The following MED12L variants were observed in gnomAD, a reference collection of about 807,000 sequenced individuals.
MED12L encodes mediator of RNA polymerase II transcription subunit 12-like protein.
MED12L carries 60 observed loss-of-function variants against 281.3 expected under a neutral mutation model. That is an observed-to-expected ratio of 0.21 (90% CI 0.17 to 0.26). The LOEUF is 0.26. Among genes scored for constraint, MED12L ranks in the 10% least tolerant of loss-of-function variants. The pLI is 1.00. For synonymous variants in MED12L, 974 were observed against 987.2 expected (o/e 0.99, Z 0.25); for missense variants, 2,146 against 2,680.9 (o/e 0.80, Z 4.41).
intron 16 of MED12L, chr3:151,316,466 A>T (rs1451442601): frequency 2.0e-5 from 3 of 152,206 alleles, no homozygotes. Flanking sequence ...TACTGTCAGC[A>T]TTCTAATTTC....
At chr3:151,220,471 G>A (rs1490490046) in intron 16 of MED12L, among the ~76,000 whole-genome samples, 3 of 152,136 alleles carry the variant, frequency 2.0e-5, no homozygotes, top group African/African-American at 7.2e-5. Context: ...CACGTGATAT[G>A]GTTTGGCTCT....
chr3:151,232,410 A>AT (rs1478899735), intron 16 of MED12L, among the ~76,000 whole-genome samples: 7 of 152,198 alleles, frequency 4.6e-5, no homozygotes, highest in Admixed American at 4.6e-4. Flanking sequence ...CAGAACTACC[A>AT]TTTGACCCAG....
At chr3:151,278,246 A>G (rs1184230093) in intron 16 of MED12L, 1 of 152,192 alleles carries the variant, frequency 6.6e-6, no homozygotes, top group East Asian at 1.9e-4. Context: ...TGCACCATTC[A>G]CATACATGCA....
intron 11 of MED12L, among the ~76,000 whole-genome samples, chr3:151,170,914 C>T (rs1329119021): frequency 6.6e-6 from 1 of 152,082 alleles, no homozygotes; most frequent in Admixed American, 6.6e-5. Context: ...AAGAGGGAAG[C>T]CTCTCAAATT....
chr3:151,319,422 C>T (rs1361520769), intron 16 of MED12L, among the ~76,000 whole-genome samples: 1 of 151,026 alleles, frequency 6.6e-6, no homozygotes, highest in Non-Finnish European at 1.5e-5. Context: ...TTACAAACCC[C>T]AAATTTATTT....
chr3:151,282,156 C>T (rs971922824), intron 16 of MED12L, among the ~76,000 whole-genome samples: 1 of 152,130 alleles, frequency 6.6e-6, no homozygotes, highest in South Asian at 2.1e-4. Context: ...CTAGCGCATC[C>T]GGCCTCATCC....
chr3:151,293,370 G>C (rs1276646787), intron 16 of MED12L, among the ~76,000 whole-genome samples: 1 of 151,988 alleles, frequency 6.6e-6, no homozygotes, highest in Non-Finnish European at 1.5e-5. Flanking sequence ...CTGTTAATGC[G>C]TCTCCCACGA....
intron 12 of MED12L, 145 bp downstream of exon 12, chr3:151,185,606 T>TC: frequency 2.5e-6 from 2 of 810,822 alleles, no homozygotes; most frequent in Non-Finnish European, 3.7e-6. Flanking sequence ...TAAGGAAGAT[T>TC]CTTATAGTAG....
In MED12L at chr3:151,088,606, C is replaced by G. The variant is rs115854917; in HGVS notation, c.99+1581C>G. ...TGTGTGGGCTTATTTAGCATTTGTT[C>G]TTCAGGCCAATGCTCATTTCACGAC... is the stretch of plus-strand genomic sequence containing the variant. On this transcript the variant is annotated intron_variant, in intron 2 of 44. Transcript: ENST00000687756. Among the ~76,000 whole-genome samples, 1,070 of 152,202 alleles carry G rather than the reference C, an allele frequency of 7.0e-3. 3 individuals are homozygous for G. The highest frequency in any genetic ancestry group is 0.02 in the African/African-American group (823 of 41,504).
Position 151,255,254 on chromosome 3 carries a change from T to A in MED12L, c.2250+61588T>A, listed in dbSNP as rs969179479. Among the ~76,000 whole-genome samples, 16 of 152,224 alleles carry A rather than the reference T, an allele frequency of 1.1e-4. 1 individual carries two copies. Among genetic ancestry groups the A allele is most frequent in the South Asian group, 8.3e-4 (4 of 4,820 alleles). On this transcript the variant is annotated intron_variant, in intron 16 of 44. Transcript: ENST00000687756. ...TGTGAGAGGGATACAGTGACTTCCA[T>A]TTGTTTGTAAAAATGCTGTTTTGGG...
intron 38 of MED12L, among the ~76,000 whole-genome samples, chr3:151,393,921 A>G (rs1370735025): frequency 7.2e-6 from 1 of 138,340 alleles, no homozygotes; most frequent in Non-Finnish European, 1.5e-5. Flanking sequence ...TACATGTATC[A>G]AGGACTATTT....
At chr3:151,424,661 A>T (rs934006270) in intron 43 of MED12L, among the ~76,000 whole-genome samples, 13 of 152,128 alleles carry the variant, frequency 8.5e-5, no homozygotes, top group African/African-American at 2.9e-4. Context: ...ACTCTATGCA[A>T]GTTACTAGTT....
chr3:151,165,005 AAAT>A (rs1430143632), intron 9 of MED12L, among the ~76,000 whole-genome samples: 2 of 142,988 alleles, frequency 1.4e-5, no homozygotes, highest in Non-Finnish European at 3.0e-5. Context: ...AGTATAATAA[AAAT>A]AAAATAAAAT....
chr3:151,211,865 T>TG (rs1296205550), intron 16 of MED12L, among the ~76,000 whole-genome samples: 1 of 152,208 alleles, frequency 6.6e-6, no homozygotes, highest in Non-Finnish European at 1.5e-5. Context: ...AGGCTGGTCT[T>TG]GAACTCCTGG....
chr3:151,256,183 G>A (rs1401099962), intron 16 of MED12L, among the ~76,000 whole-genome samples: 3 of 152,124 alleles, frequency 2.0e-5, no homozygotes, highest in Non-Finnish European at 4.4e-5. Context: ...GGCTCTTTTA[G>A]ATACATAGCA....
At chr3:151,234,839 G>T (rs1474650907) in intron 16 of MED12L, among the ~76,000 whole-genome samples, 1 of 152,198 alleles carries the variant, frequency 6.6e-6, no homozygotes, top group Non-Finnish European at 1.5e-5. Context: ...TTAGTCAGGG[G>T]TCACCATCAC....
intron 22 of MED12L, 67 bp downstream of exon 22, chr3:151,365,273 T>G: frequency 7.5e-7 from 1 of 1,327,694 alleles, no homozygotes; most frequent in Non-Finnish European, 1.1e-6. Flanking sequence ...TCTTTGAAAT[T>G]GATGTCGTTA....
At position 151,170,400 on chromosome 3, in the gene MED12L, G is replaced by A. The variant is rs1330110006; in HGVS notation, c.1494+4418G>A. Among the ~76,000 whole-genome samples, 34 of 150,566 alleles carry A rather than the reference G, an allele frequency of 2.3e-4. No homozygotes were observed. The Admixed American group carries it at 2.3e-3, about 10-fold the overall frequency. On this transcript the variant is annotated intron_variant, in intron 11 of 44. Coordinates refer to ENST00000687756, the MANE Select transcript of MED12L (RefSeq NM_001393769.1). ...AAGCCATTCTCTGCCTCAGCCTCCC[G>A]AGTAGCTGGGATTAATAGGCGCCTG...
chr3:151,164,136 C>A, intron 9 of MED12L, 94 bp downstream of exon 9: 3 of 1,371,374 alleles, frequency 2.2e-6, no homozygotes, highest in Non-Finnish European at 3.0e-6. Flanking sequence ...TATCTAGATG[C>A]TTGGGTGCTA....
Sources: allele counts gnomAD v4.1 joint callset (sites outside exome capture counted in the v4.1 genomes callset), GRCh38; gene constraint gnomAD v4.1.1; transcripts MANE v1.5; gene names NCBI Gene and HGNC (gene_info 2026-07-23, HGNC 2026-07-21).